STAU1: variants seen among roughly 807,000 people sequenced by gnomAD.
STAU1 encodes double-stranded RNA-binding protein Staufen homolog 1.
STAU1 carries 13 observed loss-of-function variants against 62.9 expected under a neutral mutation model. That is an observed-to-expected ratio of 0.21 (90% CI 0.13 to 0.33). STAU1 has a LOEUF of 0.33. Among genes scored for constraint, STAU1 ranks in the 10% least tolerant of loss-of-function variants. STAU1 has a pLI of 1.00. For missense variants in STAU1, 571 were observed against 712.1 expected, an observed-to-expected ratio of 0.80 and a Z score of 2.25; for synonymous variants, 269 against 265.1, an observed-to-expected ratio of 1.01 and a Z score of -0.14.
At chr20:49,205,985 C>CTTTTCT in the STAU1 span, among the ~76,000 whole-genome samples, 1 of 122,064 alleles carries the variant, frequency 8.2e-6, no homozygotes, top group Non-Finnish European at 1.7e-5. Flanking sequence ...ATTTTCTTTT[C>CTTTTCT]TTTTTTTTTT....
chr20:49,175,403 A>C (rs2093646862), intron 1 of STAU1, among the ~76,000 whole-genome samples: 1 of 152,022 alleles, frequency 6.6e-6, no homozygotes, highest in Non-Finnish European at 1.5e-5. Flanking sequence ...TATAAGAGAC[A>C]GCAGAACTTT....
chr20:49,173,089 C>A (rs1185641043), intron 2 of STAU1, among the ~76,000 whole-genome samples: 1 of 151,464 alleles, frequency 6.6e-6, no homozygotes, highest in Non-Finnish European at 1.5e-5. Context: ...CTTGATCCGC[C>A]CACCTTGGCC....
chr20:49,156,459 A>G (rs1264811591), intron 3 of STAU1, among the ~76,000 whole-genome samples: 1 of 152,198 alleles, frequency 6.6e-6, no homozygotes, highest in Admixed American at 6.5e-5. Context: ...TATACATACT[A>G]CATGGTACCT....
chr20:49,201,611 A>G, the STAU1 span, among the ~76,000 whole-genome samples: 3 of 151,952 alleles, frequency 2.0e-5, no homozygotes, highest in African/African-American at 7.3e-5. Context: ...GCGTTGTGGC[A>G]GGCACCTGTA....
At chr20:49,123,929 G>A (rs1401303675) in intron 7 of STAU1, among the ~76,000 whole-genome samples, 1 of 152,180 alleles carries the variant, frequency 6.6e-6, no homozygotes, top group Non-Finnish European at 1.5e-5. Flanking sequence ...AGATCCATTA[G>A]TGTGGCTCAA....
chr20:49,183,825 G>A (rs1405166616), intron 1 of STAU1, among the ~76,000 whole-genome samples: 2 of 152,064 alleles, frequency 1.3e-5, no homozygotes, highest in African/African-American at 4.8e-5. Flanking sequence ...ACAAACAAGA[G>A]TTAGGTTCTA....
Position 49,124,534 on chromosome 20 carries a change from C to A in STAU1, c.663G>T (p.Ser221=). 1 of 1,614,074 alleles carries A rather than the reference C, an allele frequency of 6.2e-7. No individual in the cohort carries two copies. The highest frequency in any genetic ancestry group is 8.5e-7 in the Non-Finnish European group (1 of 1,180,030). ...CACCTTCCCCCACAAACTCCCCAAC[C>A]GAAACCTTGGTCACAAAGTTCTTCA... ...PHMKNFVTKV[S]VGEFVGEGEG... Residue 221 remains serine (S), a synonymous_variant, in exon 7 of 14, where the codon TCG becomes TCT. Coordinates refer to ENST00000371856, the MANE Select transcript of STAU1 (RefSeq NM_017453.4).
the STAU1 span, among the ~76,000 whole-genome samples, chr20:49,195,535 CAAAAAAAAAAAA>C: frequency 2.9e-4 from 11 of 38,148 alleles, no homozygotes; most frequent in African/African-American, 6.6e-4. Flanking sequence ...GACTCCGTCT[CAAAAAAAAAAAA>C]AAAAAAAAAA....
At chr20:49,150,340 A>G (rs1470472746) in intron 5 of STAU1, among the ~76,000 whole-genome samples, 1 of 151,900 alleles carries the variant, frequency 6.6e-6, no homozygotes, top group Non-Finnish European at 1.5e-5. Flanking sequence ...ACAATAGTCA[A>G]TTTAGGTTAT....
intron 13 of STAU1, 45 bp downstream of exon 13, chr20:49,115,737 C>T (rs2092305592): frequency 2.7e-6 from 4 of 1,498,532 alleles, no homozygotes; most frequent in Non-Finnish European, 3.7e-6. Context: ...AAACGAGGGG[C>T]AGCCTCCCCA....
intron 3 of STAU1, 52 bp from the exon 4 acceptor site, chr20:49,154,123 C>T: frequency 6.5e-7 from 1 of 1,533,406 alleles, no homozygotes; most frequent in Non-Finnish European, 8.8e-7. Context: ...GAGAATGATA[C>T]TCACTAAAAT....
At chr20:49,143,387 T>C (rs976202663) in intron 5 of STAU1, among the ~76,000 whole-genome samples, 27 of 151,312 alleles carry the variant, frequency 1.8e-4, no homozygotes, top group African/African-American at 5.8e-4. Flanking sequence ...AGCCCAGGAG[T>C]TCAAAACCAG....
intron 1 of STAU1, among the ~76,000 whole-genome samples, chr20:49,178,089 A>G (rs2093681531): frequency 6.6e-6 from 1 of 152,010 alleles, no homozygotes; most frequent in South Asian, 2.1e-4. Flanking sequence ...AGATGGGAGG[A>G]CTGCTTGAGA....
intron 10 of STAU1, 42 bp downstream of exon 10, chr20:49,118,291 A>G: frequency 6.4e-7 from 1 of 1,569,024 alleles, no homozygotes; most frequent in South Asian, 1.1e-5. Flanking sequence ...TGCAAATCCC[A>G]GAATCACGTT....
At chr20:49,172,808 G>A (rs931498675) in intron 2 of STAU1, among the ~76,000 whole-genome samples, 1 of 151,910 alleles carries the variant, frequency 6.6e-6, no homozygotes, top group Non-Finnish European at 1.5e-5. Context: ...TTTATAATAG[G>A]ATATTTGACA....
chr20:49,126,298 A>T (rs1048507976), intron 6 of STAU1, among the ~76,000 whole-genome samples: 1 of 151,856 alleles, frequency 6.6e-6, no homozygotes, highest in Admixed American at 6.6e-5. Context: ...AGGGTGGCTC[A>T]TGCCTGTAAT....
At chr20:49,157,560 A>C (rs1600776863) in intron 3 of STAU1, among the ~76,000 whole-genome samples, 1 of 151,500 alleles carries the variant, frequency 6.6e-6, no homozygotes, top group African/African-American at 2.4e-5. Context: ...GCTCACTGCA[A>C]CCTCCGCCTC....
At position 49,166,560 on chromosome 20, in the gene STAU1, G is replaced by A. The variant is rs1049078225; in HGVS notation, c.-84-275C>T. Among the ~76,000 whole-genome samples the A allele has an allele frequency of 2.0e-5, 3 of 152,194 alleles. No individual in the cohort carries two copies. The South Asian group carries it at 6.2e-4, about 32-fold the overall frequency. The stretch of plus-strand genomic sequence containing the variant: ...GAATCAGTAGGGTATAATATTTATT[G>A]GTGAGTATTAAGAATTGCAAACTAT... On this transcript the variant is annotated intron_variant, in intron 2 of 13. Transcript: ENST00000371856.
At chr20:49,153,402 TAAAA>T (rs34795501) in intron 4 of STAU1, among the ~76,000 whole-genome samples, 2 of 129,844 alleles carry the variant, frequency 1.5e-5, no homozygotes, top group African/African-American at 5.9e-5. Flanking sequence ...CTCAATGAAT[TAAAA>T]AAAAAAAAAA....
Sources: gnomAD v4.1 joint callset for allele counts (sites outside exome capture counted in the v4.1 genomes callset) on GRCh38, gnomAD v4.1.1 for gene constraint, MANE v1.5 for transcripts, NCBI Gene and HGNC (gene_info 2026-07-23, HGNC 2026-07-21) for gene names.